Variants in CHL1 observed in about 807,000 individuals in gnomAD.
The protein encoded by CHL1 is neural cell adhesion molecule L1-like protein.
CHL1 carries 96 observed loss-of-function variants against 141.9 expected under a neutral mutation model. The observed-to-expected ratio is 0.68, with a 90% CI of 0.57 to 0.80. The LOEUF (loss-of-function observed/expected upper bound fraction) is 0.80, where lower values mean the gene tolerates loss of function less well. Ranked by LOEUF, CHL1 falls within the 30% of genes least tolerant of loss-of-function variation. The pLI is 0.00. For synonymous variants in CHL1, 613 were observed against 502.2 expected, an observed-to-expected ratio of 1.22 and a Z score of -2.95; for missense variants, 1,820 against 1,457.2, an observed-to-expected ratio of 1.25 and a Z score of -4.05.
chr3:382,984 T>C (rs537501811), intron 18 of CHL1, among the ~76,000 whole-genome samples: 10 of 152,334 alleles, frequency 6.6e-5, no homozygotes, highest in African/African-American at 2.4e-4. Flanking sequence ...ATTCAATATG[T>C]ATGCATCTAA....
intron 2 of CHL1, among the ~76,000 whole-genome samples, chr3:310,207 A>G (rs1478085032): frequency 2.0e-5 from 3 of 152,118 alleles, no homozygotes; most frequent in East Asian, 3.8e-4. Flanking sequence ...AGGTGGGAGG[A>G]TCATTTAAGG....
intron 1 of CHL1, among the ~76,000 whole-genome samples, chr3:228,698 G>A (rs1553579113): frequency 6.6e-6 from 1 of 152,138 alleles, no homozygotes; most frequent in South Asian, 2.1e-4. Context: ...CCAGTAATAT[G>A]GGATAGCAAC....
intron 2 of CHL1, among the ~76,000 whole-genome samples, chr3:309,643 G>C (rs960086934): frequency 1.3e-5 from 2 of 151,898 alleles, no homozygotes; most frequent in Admixed American, 6.6e-5. Flanking sequence ...CTGAGAAGCT[G>C]GGAGTATAGG....
chr3:367,218 A>G (rs1184138730), intron 15 of CHL1, among the ~76,000 whole-genome samples: 2 of 152,234 alleles, frequency 1.3e-5, no homozygotes, highest in Non-Finnish European at 2.9e-5. Flanking sequence ...GTTACTAAGT[A>G]AGGGTTAAAA....
intron 10 of CHL1, among the ~76,000 whole-genome samples, chr3:350,608 G>GC (rs1304358165): frequency 1.8e-3 from 59 of 33,258 alleles, no homozygotes; most frequent in Admixed American, 2.9e-3. Context: ...TTAAATTAAT[G>GC]GAAAAAAAAA....
At chr3:270,397 C>T (rs796716234) in intron 2 of CHL1, among the ~76,000 whole-genome samples, 36 of 152,212 alleles carry the variant, frequency 2.4e-4, no homozygotes, top group African/African-American at 7.5e-4. Flanking sequence ...TATTTCTAAC[C>T]AATCATAGGT....
intron 15 of CHL1, among the ~76,000 whole-genome samples, chr3:377,500 G>T (rs181853885): frequency 7.8e-4 from 118 of 152,194 alleles, no homozygotes; most frequent in Admixed American, 9.8e-4. Context: ...AATATATCTT[G>T]GCCATTGTGA....
chr3:360,744 C>CT (rs1704162949), intron 12 of CHL1, among the ~76,000 whole-genome samples: 1 of 124,128 alleles, frequency 8.1e-6, no homozygotes, highest in Non-Finnish European at 1.6e-5. Context: ...GCCCCCCCTC[C>CT]CCCCACCCCA....
intron 27 of CHL1, among the ~76,000 whole-genome samples, chr3:404,822 A>G (rs910438487): frequency 2.6e-5 from 4 of 152,160 alleles, no homozygotes; most frequent in African/African-American, 9.7e-5. Context: ...GTCTGAGTCC[A>G]TTAGGGCTAC....
intron 1 of CHL1, among the ~76,000 whole-genome samples, chr3:243,936 G>A (rs1164732342): frequency 6.6e-6 from 1 of 152,164 alleles, no homozygotes. Flanking sequence ...GCATGTTCAT[G>A]GGATGGCATT....
chr3:326,238 G>C (rs1035229261), intron 4 of CHL1, among the ~76,000 whole-genome samples, 174 bp downstream of exon 4: 3 of 151,870 alleles, frequency 2.0e-5, no homozygotes, highest in Non-Finnish European at 2.9e-5. Flanking sequence ...TTTCACATAT[G>C]TTTTTCTGCC....
At chr3:277,013 T>G (rs866746401) in intron 2 of CHL1, among the ~76,000 whole-genome samples, 17 of 151,648 alleles carry the variant, frequency 1.1e-4, no homozygotes, top group African/African-American at 4.1e-4. Context: ...ACCCAAATGA[T>G]CTCATCTGAA....
intron 15 of CHL1, 107 bp from the exon 16 acceptor site, chr3:377,711 T>C: frequency 1.1e-6 from 1 of 950,756 alleles, no homozygotes; most frequent in Non-Finnish European, 1.5e-6. Context: ...AAGTCATCTT[T>C]CACTCTTAGA....
rs1395264122 is a variant in CHL1, at chr3:360,409, A to T, written c.1291A>T (p.Asn431Tyr). The change falls in exon 12 of 28, where the codon AAT becomes TAT. Residue 431 changes from asparagine to tyrosine, a missense_variant. Asn to Tyr is a moderately radical substitution (Grantham distance 143). Transcript: ENST00000256509. ...NVHGTILANA[N>Y]IDVVDVRPLI... ...CCATGGAACTATCCTTGCCAATGCC[A>T]ATATTGATGTTGTGGGTGAGTGTGC... 6.2e-7 allele frequency: 1 copy of T among 1,613,430 alleles called. No homozygotes were observed. The highest frequency in any genetic ancestry group is 2.2e-5 in the East Asian group (1 of 44,882).
At chr3:230,004 G>A (rs976751400) in intron 1 of CHL1, among the ~76,000 whole-genome samples, 2 of 152,152 alleles carry the variant, frequency 1.3e-5, no homozygotes, top group East Asian at 3.9e-4. Context: ...CCTTATCCCC[G>A]TGAGTTTCTA....
intron 5 of CHL1, among the ~76,000 whole-genome samples, chr3:337,941 T>TGGC (rs546566170): frequency 6.6e-6 from 1 of 152,052 alleles, no homozygotes; most frequent in Non-Finnish European, 1.5e-5. Context: ...CCCTGAGGAA[T>TGGC]AACACTGTCT....
intron 2 of CHL1, among the ~76,000 whole-genome samples, chr3:298,948 C>T (rs542234855): frequency 3.2e-4 from 49 of 152,230 alleles, no homozygotes; most frequent in African/African-American, 1.0e-3. Flanking sequence ...ATATTTTTTA[C>T]GATAGTATTA....
chr3:389,258 A>G lies in CHL1; in HGVS notation c.2254A>G (p.Lys752Glu). 6.2e-7 allele frequency: 1 copy of G among 1,604,002 alleles called. No individual in the cohort carries two copies. The highest frequency in any genetic ancestry group is 8.5e-7 in the Non-Finnish European group (1 of 1,174,626). ...GTCTTGCCTTCTGTTTTAGCCTTTGAAATCCATGGAGCAGAATGGACCAGG... is the reference window on the plus strand; with the variant it reads ...GTCTTGCCTTCTGTTTTAGCCTTTGGAATCCATGGAGCAGAATGGACCAGG... ...KEMIIKWEPL[K>E]SMEQNGPGLE... Residue 752 changes from lysine (K) to glutamate (E), a missense_variant, in exon 20 of 28, where the codon AAA becomes GAA. Lys to Glu is a moderately conservative substitution (Grantham distance 56). Transcript: ENST00000256509.
Position 407,583 on chromosome 3 carries a change from G to A in CHL1, c.*1872G>A, listed in dbSNP as rs1293151997. On this transcript the variant is annotated 3_prime_UTR_variant, in exon 28 of 28. Coordinates refer to ENST00000256509, the MANE Select transcript of CHL1 (RefSeq NM_006614.4). ...TCCTCCTCCGATTTCTAAGGTTCCAGTTTTCTGGAGGGACAGTCATCATGT... is the reference window on the plus strand; with the variant it reads ...TCCTCCTCCGATTTCTAAGGTTCCAATTTTCTGGAGGGACAGTCATCATGT... 1 of 152,070 alleles carries A rather than the reference G, an allele frequency of 6.6e-6. No homozygotes were observed. Among genetic ancestry groups the A allele is most frequent in the African/African-American group, 2.4e-5 (1 of 41,394 alleles). 9.4% of individuals were successfully genotyped at this position (152,070 alleles called of 1,614,324 possible).
Sources: allele counts gnomAD v4.1 joint callset (sites outside exome capture counted in the v4.1 genomes callset), GRCh38; gene constraint gnomAD v4.1.1; transcripts MANE v1.5; gene names NCBI Gene and HGNC (gene_info 2026-07-23, HGNC 2026-07-21).